NDUFAF2: variants seen among roughly 807,000 people sequenced by gnomAD.
NDUFAF2 encodes NADH dehydrogenase [ubiquinone] 1 alpha subcomplex assembly factor 2.
NDUFAF2 carries 13 observed loss-of-function variants against 22.8 expected under a neutral mutation model. That is an observed-to-expected ratio of 0.57 (90% CI 0.37 to 0.91). NDUFAF2 has a LOEUF of 0.91. Among genes scored for constraint, NDUFAF2 ranks in the 40% least tolerant of loss-of-function variants. The pLI, the probability that NDUFAF2 is intolerant of heterozygous loss-of-function variation, is 0.01. For missense variants in NDUFAF2, 162 were observed against 195.2 expected (o/e 0.83, Z 1.01); for synonymous variants, 53 against 64.2 (o/e 0.83, Z 0.84).
At chr5:61,020,657 T>A (rs969636217) in intron 1 of NDUFAF2, among the ~76,000 whole-genome samples, 3 of 151,970 alleles carry the variant, frequency 2.0e-5, no homozygotes, top group African/African-American at 7.2e-5. Flanking sequence ...GCTTAAGCAA[T>A]CCTCCTACTT....
chr5:61,148,536 A>G (rs182855723), intron 3 of NDUFAF2, among the ~76,000 whole-genome samples: 8 of 152,356 alleles, frequency 5.3e-5, no homozygotes, highest in Admixed American at 2.6e-4. Flanking sequence ...CTGTTGTACT[A>G]TCACTGCCCA....
intron 1 of NDUFAF2, among the ~76,000 whole-genome samples, chr5:61,041,567 C>T (rs1351389273): frequency 2.6e-5 from 4 of 152,066 alleles, no homozygotes; most frequent in Admixed American, 6.5e-5. Flanking sequence ...CCAATACTTT[C>T]GAGTTTAAAA....
At chr5:61,044,277 G>A (rs1198745898) in intron 1 of NDUFAF2, among the ~76,000 whole-genome samples, 1 of 151,666 alleles carries the variant, frequency 6.6e-6, no homozygotes, top group Non-Finnish European at 1.5e-5. Flanking sequence ...GGGTTTTCAG[G>A]TATTTTCTCC....
chr5:61,146,549 T>C (rs1741141052), intron 3 of NDUFAF2, among the ~76,000 whole-genome samples: 1 of 152,214 alleles, frequency 6.6e-6, no homozygotes, highest in Non-Finnish European at 1.5e-5. Flanking sequence ...GGATTCTAAG[T>C]TGTTTCTGAT....
At chr5:61,135,113 A>G (rs1740903762) in intron 3 of NDUFAF2, among the ~76,000 whole-genome samples, 1 of 151,660 alleles carries the variant, frequency 6.6e-6, no homozygotes, top group Non-Finnish European at 1.5e-5. Flanking sequence ...TGGAAATGTC[A>G]TTATGAACTA....
intron 1 of NDUFAF2, among the ~76,000 whole-genome samples, chr5:60,990,239 T>C (rs1308905230): frequency 6.6e-6 from 1 of 152,002 alleles, no homozygotes; most frequent in Non-Finnish European, 1.5e-5. Flanking sequence ...CAAAATAGCA[T>C]GACTACAGTC....
intron 2 of NDUFAF2, among the ~76,000 whole-genome samples, chr5:61,088,512 G>C (rs186720426): frequency 6.6e-6 from 1 of 152,198 alleles, no homozygotes; most frequent in Non-Finnish European, 1.5e-5. Context: ...TCTGTCTGTT[G>C]ATTGTGGTGC....
At chr5:61,071,774 GTAGGCAGGCACACTTGT>G (rs1752302915) in intron 1 of NDUFAF2, among the ~76,000 whole-genome samples, 1 of 152,136 alleles carries the variant, frequency 6.6e-6, no homozygotes, top group East Asian at 1.9e-4. Flanking sequence ...ATTCCCTGGA[GTAGGCAGGCACACTTGT>G]TAAATAGTAG....
At chr5:60,975,771 T>C (rs2694527) in intron 1 of NDUFAF2, among the ~76,000 whole-genome samples, 149,960 of 152,300 alleles carry the variant, frequency 0.98, 73,851 homozygotes, top group East Asian at 1. Context: ...AGGAAAACTA[T>C]GAAAGTCAGG....
At chr5:61,087,395 C>T (rs573705739) in intron 2 of NDUFAF2, among the ~76,000 whole-genome samples, 1 of 152,180 alleles carries the variant, frequency 6.6e-6, no homozygotes, top group Non-Finnish European at 1.5e-5. Flanking sequence ...TAAGACAATA[C>T]ATAAAATCAG....
chr5:61,009,521 T>G (rs1436928144), intron 1 of NDUFAF2, among the ~76,000 whole-genome samples: 1 of 152,142 alleles, frequency 6.6e-6, no homozygotes, highest in Non-Finnish European at 1.5e-5. Flanking sequence ...CTAAATCAAT[T>G]AAATTTAAAG....
intron 1 of NDUFAF2, among the ~76,000 whole-genome samples, chr5:61,051,967 T>G (rs931109375): frequency 6.6e-6 from 1 of 152,116 alleles, no homozygotes. Flanking sequence ...GGCTCTGAGG[T>G]CAATCAAACA....
At chr5:60,986,358 C>T (rs185128532) in intron 1 of NDUFAF2, among the ~76,000 whole-genome samples, 20 of 152,240 alleles carry the variant, frequency 1.3e-4, no homozygotes, top group Non-Finnish European at 2.5e-4. Context: ...TAAACATGCT[C>T]CTGAATGACT....
intron 1 of NDUFAF2, among the ~76,000 whole-genome samples, chr5:61,040,286 A>ACACGCGCGCGCGCGCGCGCG (rs1491193758): frequency 1.3e-4 from 12 of 93,072 alleles, no homozygotes; most frequent in African/African-American, 4.8e-4. Context: ...ACACACACAC[A>ACACGCGCGCGCGCGCGCGCG]CGCGCGCGCG....
intron 3 of NDUFAF2, among the ~76,000 whole-genome samples, chr5:61,124,787 C>T (rs1216727187): frequency 6.6e-6 from 1 of 152,004 alleles, no homozygotes; most frequent in Non-Finnish European, 1.5e-5. Context: ...TCTAAACTTT[C>T]TTTTCATTGT....
At chr5:61,078,103 C>CT (rs1351021943) in intron 2 of NDUFAF2, among the ~76,000 whole-genome samples, 3 of 151,784 alleles carry the variant, frequency 2.0e-5, no homozygotes, top group African/African-American at 4.8e-5. Flanking sequence ...TGAGATGTTC[C>CT]TTTTTTTTGT....
chr5:61,148,725 A>G (rs570681561), intron 3 of NDUFAF2, among the ~76,000 whole-genome samples: 4 of 152,334 alleles, frequency 2.6e-5, no homozygotes, highest in East Asian at 1.9e-4. Flanking sequence ...CCCAAATTCT[A>G]TGCCACTATT....
At chr5:61,131,382 A>G (rs529901396) in intron 3 of NDUFAF2, among the ~76,000 whole-genome samples, 13 of 151,190 alleles carry the variant, frequency 8.6e-5, no homozygotes, top group Non-Finnish European at 1.8e-4. Context: ...TTTGTTTTTT[A>G]TGTTTGTTGT....
intron 1 of NDUFAF2, among the ~76,000 whole-genome samples, chr5:60,952,789 C>T (rs189395766): frequency 1.1e-4 from 16 of 152,152 alleles, no homozygotes; most frequent in Non-Finnish European, 1.9e-4. Flanking sequence ...AAGTATGTTA[C>T]AGTCTCTGAA....
Sources: gnomAD v4.1 joint callset for allele counts (sites outside exome capture counted in the v4.1 genomes callset) on GRCh38, gnomAD v4.1.1 for gene constraint, MANE v1.5 for transcripts, NCBI Gene and HGNC (gene_info 2026-07-23, HGNC 2026-07-21) for gene names.